The following SLC24A2 variants were observed in gnomAD, a reference collection of about 807,000 sequenced individuals.
The protein encoded by SLC24A2 is solute carrier family 24 member 2.
A neutral mutation model predicts 62.0 loss-of-function variants in SLC24A2; 36 were observed. The observed-to-expected ratio is 0.58, with a 90% CI of 0.44 to 0.77. The LOEUF is 0.77. SLC24A2 is among the 30% of genes least tolerant of loss of function. The probability of loss-of-function intolerance (pLI) is 0.00; values close to 1 mark genes in which losing one functional copy is unlikely to be tolerated. For synonymous variants in SLC24A2, 358 were observed against 294.0 expected (o/e 1.22, Z -2.23); for missense variants, 846 against 817.9 (o/e 1.03, Z -0.42).
intron 2 of SLC24A2, among the ~76,000 whole-genome samples, chr9:19,743,642 C>T (rs1587255662): frequency 6.6e-6 from 1 of 152,110 alleles, no homozygotes; most frequent in African/African-American, 2.4e-5. Flanking sequence ...GTTCACATAA[C>T]ATAAAATATT....
chr9:20,175,605 C>T, the SLC24A2 span, among the ~76,000 whole-genome samples: 1 of 151,778 alleles, frequency 6.6e-6, no homozygotes, highest in Non-Finnish European at 1.5e-5. Flanking sequence ...ACACTAAAAA[C>T]CGTCAAAGTG....
the SLC24A2 span, among the ~76,000 whole-genome samples, chr9:20,205,512 G>A: frequency 2.0e-5 from 3 of 151,854 alleles, no homozygotes; most frequent in East Asian, 5.8e-4. Context: ...TTAACCAGTC[G>A]TGGTGGCAGG....
chr9:19,610,538 G>A (rs970963935), intron 4 of SLC24A2, among the ~76,000 whole-genome samples: 8 of 152,210 alleles, frequency 5.3e-5, no homozygotes, highest in African/African-American at 1.7e-4. Context: ...CAAGGAGATG[G>A]AAGAACTCAT....
the SLC24A2 span, among the ~76,000 whole-genome samples, chr9:20,085,895 T>A: frequency 6.6e-6 from 1 of 152,030 alleles, no homozygotes; most frequent in Non-Finnish European, 1.5e-5. Context: ...CCCTTTGGAA[T>A]TTTTTTTCCC....
the SLC24A2 span, among the ~76,000 whole-genome samples, chr9:19,883,921 G>A: frequency 0.084 from 12,831 of 152,108 alleles, 648 homozygotes; most frequent in East Asian, 0.26. Context: ...CTTATTAAAG[G>A]TCTACCCTGT....
chr9:20,093,700 G>A, the SLC24A2 span, among the ~76,000 whole-genome samples: 1 of 152,132 alleles, frequency 6.6e-6, no homozygotes, highest in South Asian at 2.1e-4. Context: ...GTCCCTTGGG[G>A]ATTGTTAATG....
the SLC24A2 span, among the ~76,000 whole-genome samples, chr9:20,094,898 ATAT>A: frequency 6.6e-6 from 1 of 152,142 alleles, no homozygotes; most frequent in South Asian, 2.1e-4. Flanking sequence ...TTCAGTTTTC[ATAT>A]TATAATTAAC....
At chr9:20,191,582 A>G in the SLC24A2 span, among the ~76,000 whole-genome samples, 975 of 151,882 alleles carry the variant, frequency 6.4e-3, 7 homozygotes, top group South Asian at 0.015. Flanking sequence ...TCTCTGGCAT[A>G]TATCTAAAAA....
chr9:19,797,422 G>A, the SLC24A2 span, among the ~76,000 whole-genome samples: 1 of 152,122 alleles, frequency 6.6e-6, no homozygotes, highest in African/African-American at 2.4e-5. Context: ...TAAAATATCT[G>A]GTGATCTTTG....
chr9:19,520,324 G>A (rs1833130902), intron 10 of SLC24A2, among the ~76,000 whole-genome samples: 1 of 152,172 alleles, frequency 6.6e-6, no homozygotes, highest in African/African-American at 2.4e-5. Context: ...ATTCACTTTA[G>A]TGATTATTCA....
At chr9:19,985,776 T>C in the SLC24A2 span, among the ~76,000 whole-genome samples, 1 of 152,064 alleles carries the variant, frequency 6.6e-6, no homozygotes, top group Admixed American at 6.6e-5. Context: ...TATTAAAAAG[T>C]AAAAAGTGAA....
chr9:19,652,345 G>T (rs867214396), intron 2 of SLC24A2, among the ~76,000 whole-genome samples: 2 of 152,278 alleles, frequency 1.3e-5, no homozygotes, highest in South Asian at 4.2e-4. Context: ...TATGGCAAAA[G>T]GGACTTTGCA....
chr9:19,586,407 G>T (rs1292178389), intron 5 of SLC24A2, among the ~76,000 whole-genome samples: 1 of 152,148 alleles, frequency 6.6e-6, no homozygotes, highest in Non-Finnish European at 1.5e-5. Context: ...AAAGTGCTCA[G>T]ATTTTTCGCT....
chr9:20,215,572 C>T, the SLC24A2 span, among the ~76,000 whole-genome samples: 21 of 152,160 alleles, frequency 1.4e-4, no homozygotes, highest in African/African-American at 3.9e-4. Context: ...CTGTGTCTTC[C>T]AGCACTGTCA....
At chr9:20,181,260 GA>G in the SLC24A2 span, among the ~76,000 whole-genome samples, 5 of 149,946 alleles carry the variant, frequency 3.3e-5, no homozygotes, top group African/African-American at 1.2e-4. Flanking sequence ...AAAAAAAAAA[GA>G]AAAAATAAAG....
chr9:19,766,503 G>A (rs915430174), intron 2 of SLC24A2, among the ~76,000 whole-genome samples: 2 of 152,178 alleles, frequency 1.3e-5, no homozygotes, highest in African/African-American at 4.8e-5. Flanking sequence ...CCTTTTTATT[G>A]ATGTTGATGC....
chr9:19,972,834 A>T, the SLC24A2 span, among the ~76,000 whole-genome samples: 1 of 151,476 alleles, frequency 6.6e-6, no homozygotes, highest in East Asian at 1.9e-4. Context: ...AACCTTGCCA[A>T]AGTTTCTGTC....
chr9:20,301,619 A>C, the SLC24A2 span, among the ~76,000 whole-genome samples: 1 of 151,802 alleles, frequency 6.6e-6, no homozygotes, highest in Non-Finnish European at 1.5e-5. Flanking sequence ...TTTACAGCAA[A>C]ATTGAGAGGA....
intron 2 of SLC24A2, among the ~76,000 whole-genome samples, chr9:19,711,891 G>C (rs755050748): frequency 4.6e-5 from 7 of 152,096 alleles, no homozygotes; most frequent in Non-Finnish European, 5.9e-5. Context: ...AGCTCTAAAC[G>C]CAAGTTGCCA....
Sources: gnomAD v4.1 joint callset for allele counts (sites outside exome capture counted in the v4.1 genomes callset) on GRCh38, gnomAD v4.1.1 for gene constraint, MANE v1.5 for transcripts, NCBI Gene and HGNC (gene_info 2026-07-23, HGNC 2026-07-21) for gene names.